HS3ST4: variants seen among roughly 807,000 people sequenced by gnomAD.
HS3ST4 encodes the protein heparan sulfate glucosamine 3-O-sulfotransferase 4.
HS3ST4 carries 17 observed loss-of-function variants against 29.2 expected under a neutral mutation model. The ratio of observed to expected loss-of-function variants is 0.58; its 90% confidence interval spans 0.40 to 0.87. HS3ST4 has a LOEUF of 0.87. HS3ST4 is among the 40% of genes least tolerant of loss of function. HS3ST4 has a pLI of 0.00. For missense variants in HS3ST4, 627 were observed against 634.5 expected (o/e 0.99, Z 0.13); for synonymous variants, 314 against 285.7 (o/e 1.10, Z -1.00).
At chr16:26,043,031 TA>T (rs1482451075) in intron 1 of HS3ST4, among the ~76,000 whole-genome samples, 2 of 152,308 alleles carry the variant, frequency 1.3e-5, no homozygotes, top group Admixed American at 6.5e-5. Flanking sequence ...ACCCAAGAGT[TA>T]AAAAGTTGCT....
chr16:25,735,050 C>T (rs74618521), intron 1 of HS3ST4, among the ~76,000 whole-genome samples: 1,924 of 152,316 alleles, frequency 0.013, 32 homozygotes, highest in African/African-American at 0.042. Flanking sequence ...TGGGAGCACA[C>T]TTCAGATGTC....
At chr16:25,769,051 G>A in intron 1 of HS3ST4, among the ~76,000 whole-genome samples, 1 of 152,148 alleles carries the variant, frequency 6.6e-6, no homozygotes, top group East Asian at 1.9e-4. Flanking sequence ...GTTCAAAACT[G>A]TGTTGGGTCA....
rs1315817766 is a variant in HS3ST4 at position 26,136,015 on chromosome 16, G to A, written c.1138G>A (p.Val380Ile). 6.2e-7 allele frequency: 1 copy of A among 1,613,880 alleles called. No individual in the cohort carries two copies. The highest frequency in any genetic ancestry group is 1.3e-5 in the African/African-American group (1 of 74,922). ...ACAGGATTTTCTAGGCCTCAAACGT[G>A]TTGTGACTGAGAAGCATTTCTATTT... ...KVQDFLGLKR[V>I]VTEKHFYFNK... Residue 380 changes from valine to isoleucine, a missense_variant, in exon 2 of 2, where the codon GTT becomes ATT. By Grantham distance (29) the Val-to-Ile change is conservative. This residue lies in a region of HS3ST4 where 225 missense variants were observed against 293.7 expected (regional missense o/e 0.77). Coordinates refer to ENST00000331351, the MANE Select transcript of HS3ST4 (RefSeq NM_006040.3).
chr16:26,043,684 G>A (rs935755020), intron 1 of HS3ST4, among the ~76,000 whole-genome samples: 4 of 152,152 alleles, frequency 2.6e-5, no homozygotes, highest in Admixed American at 6.6e-5. Flanking sequence ...TGAAACACGC[G>A]CAGCAATTAC....
intron 1 of HS3ST4, among the ~76,000 whole-genome samples, chr16:25,784,410 T>A (rs1350657902): frequency 1.3e-5 from 2 of 152,210 alleles, no homozygotes; most frequent in African/African-American, 4.8e-5. Flanking sequence ...GCTAGACCTC[T>A]TGCACCAAAC....
At position 25,718,936 on chromosome 16, in the gene HS3ST4, G is replaced by C. The variant is rs564281192; in HGVS notation, c.734+25785G>C. 4.6e-5 allele frequency among the ~76,000 whole-genome samples: 7 copies of C among 152,284 alleles called. No homozygotes were observed. In the East Asian group the frequency reaches 1.3e-3, roughly 29 times the overall value. ...AATATAGAAAGATGAGCTTGTAAAGGATGCAAAGACATAGGAGGACAATAA... is the reference window on the plus strand; with the variant it reads ...AATATAGAAAGATGAGCTTGTAAAGCATGCAAAGACATAGGAGGACAATAA... On this transcript the variant is annotated intron_variant, in intron 1 of 1. Coordinates refer to ENST00000331351, the MANE Select transcript of HS3ST4 (RefSeq NM_006040.3).
intron 1 of HS3ST4, among the ~76,000 whole-genome samples, chr16:26,134,357 C>CTTTTTTT (rs1167036022): frequency 2.5e-3 from 274 of 109,016 alleles, no homozygotes; most frequent in Non-Finnish European, 3.9e-3. Context: ...CTTTTCTTTT[C>CTTTTTTT]TTTTCTTTTT....
chr16:26,035,421 CAA>C (rs1316049521), intron 1 of HS3ST4, among the ~76,000 whole-genome samples: 1 of 152,226 alleles, frequency 6.6e-6, no homozygotes. Context: ...CTAGATGTTT[CAA>C]AATATCCCAA....
At position 25,745,169 on chromosome 16, in the gene HS3ST4, A is replaced by G. The variant is rs371305825; in HGVS notation, c.734+52018A>G. 2.0e-4 allele frequency among the ~76,000 whole-genome samples: 30 copies of G among 152,262 alleles called. No individual in the cohort carries two copies. In the East Asian group the frequency reaches 3.7e-3, roughly 19 times the overall value. On this transcript the variant is annotated intron_variant, in intron 1 of 1. Transcript: ENST00000331351. ...GAAAAGATAGTCTTTTGGCTGGGTA[A>G]TTACATACCCAGATAAAAATAAGTG... is the stretch of plus-strand genomic sequence containing the variant.
chr16:25,994,220 T>G (rs111619981), intron 1 of HS3ST4, among the ~76,000 whole-genome samples: 5,051 of 152,210 alleles, frequency 0.033, 118 homozygotes, highest in Middle Eastern at 0.071. Context: ...CCCATTGCTC[T>G]TAGTACCTTA....
Position 25,886,990 on chromosome 16 carries a change from T to C in HS3ST4, c.734+193839T>C, listed in dbSNP as rs1967960607. ...ATCTATTTTTGCTGTGTGAATATAT[T>C]GATAAGTTTTTGGAGTGGGTGGAAG... is the stretch of plus-strand genomic sequence containing the variant. On this transcript the variant is annotated intron_variant, in intron 1 of 1. Coordinates refer to ENST00000331351, the MANE Select transcript of HS3ST4 (RefSeq NM_006040.3). 3 of 152,252 alleles carry C rather than the reference T, an allele frequency of 2.0e-5. No homozygotes were observed. The South Asian group carries it at 6.2e-4, about 32-fold the overall frequency. 9.4% of individuals were successfully genotyped at this position (152,252 alleles called of 1,614,324 possible).
At chr16:25,739,919 G>C (rs1053664536) in intron 1 of HS3ST4, among the ~76,000 whole-genome samples, 5 of 152,190 alleles carry the variant, frequency 3.3e-5, no homozygotes, top group African/African-American at 4.8e-5. Flanking sequence ...TTTACAGAAA[G>C]GTAGAGATGA....
intron 1 of HS3ST4, among the ~76,000 whole-genome samples, chr16:26,116,623 T>C (rs1042940633): frequency 6.6e-6 from 1 of 152,220 alleles, no homozygotes; most frequent in Non-Finnish European, 1.5e-5. Context: ...TGATAGAGTG[T>C]CATCAGAGAT....
In HS3ST4 at chr16:25,693,142, A is replaced by T. The variant is rs1966269603; in HGVS notation, c.725A>T (p.Glu242Val). ...GACAGGAACTACGAAAAGGGGTTGG[A>T]GTGGTACAGGTAGGACCCTGGGCTC... Reference protein sequence around the residue: ...FFDRNYEKGLEWYRNVMPKTL... With the variant: ...FFDRNYEKGLVWYRNVMPKTL... The change falls in exon 1 of 2, where the codon GAG (glutamate) becomes GTG (valine). Residue 242 changes from glutamate (E) to valine (V), a missense_variant. This residue lies in a region of HS3ST4 where 225 missense variants were observed against 293.7 expected (regional missense o/e 0.77). Coordinates refer to ENST00000331351, the MANE Select transcript of HS3ST4 (RefSeq NM_006040.3). The T allele has an allele frequency of 1.2e-6, 2 of 1,605,272 alleles. No homozygotes were observed. The highest frequency in any genetic ancestry group is 1.7e-6 in the Non-Finnish European group (2 of 1,176,190).
chr16:25,923,624 A>ATGTG (rs147702409), intron 1 of HS3ST4, among the ~76,000 whole-genome samples: 5 of 151,650 alleles, frequency 3.3e-5, no homozygotes, highest in Non-Finnish European at 5.9e-5. Context: ...ATTAAAATAT[A>ATGTG]TGTGTGTGTG....
At chr16:26,029,933 C>T (rs762613673) in intron 1 of HS3ST4, among the ~76,000 whole-genome samples, 24 of 152,192 alleles carry the variant, frequency 1.6e-4, no homozygotes, top group Non-Finnish European at 3.1e-4. Flanking sequence ...ACACACTGAC[C>T]TCTTTGCTGA....
At chr16:25,918,426 C>A (rs1250344392) in intron 1 of HS3ST4, among the ~76,000 whole-genome samples, 1 of 152,194 alleles carries the variant, frequency 6.6e-6, no homozygotes, top group Non-Finnish European at 1.5e-5. Context: ...ATGCAGTTTA[C>A]AGCCTACCTG....
At chr16:26,085,866 C>G (rs1378630930) in intron 1 of HS3ST4, among the ~76,000 whole-genome samples, 1 of 148,162 alleles carries the variant, frequency 6.7e-6, no homozygotes, top group East Asian at 2.0e-4. Flanking sequence ...AGAGCGAGAC[C>G]CTGTCTCTTA....
intron 1 of HS3ST4, among the ~76,000 whole-genome samples, chr16:25,910,406 C>T (rs532429622): frequency 6.6e-6 from 1 of 152,086 alleles, no homozygotes; most frequent in African/African-American, 2.4e-5. Context: ...TTTGGGAGGC[C>T]GAGGCGGGCA....
Sources: gnomAD v4.1 joint callset for allele counts (sites outside exome capture counted in the v4.1 genomes callset) on GRCh38, gnomAD v4.1.1 for gene constraint, gnomAD v4.1.1 regional missense constraint, MANE v1.5 for transcripts, NCBI Gene and HGNC (gene_info 2026-07-23, HGNC 2026-07-21) for gene names.